PTPN14: variants seen among roughly 807,000 people sequenced by gnomAD.
PTPN14 encodes the protein tyrosine-protein phosphatase non-receptor type 14.
PTPN14 carries 53 observed loss-of-function variants against 126.8 expected under a neutral mutation model. The observed-to-expected ratio is 0.42, with a 90% confidence interval of 0.34 to 0.53. PTPN14 has a LOEUF of 0.53. Ranked by LOEUF, PTPN14 falls within the 20% of genes least tolerant of loss-of-function variation. The pLI, the probability that PTPN14 is intolerant of heterozygous loss-of-function variation, is 0.08. For synonymous variants in PTPN14, 630 were observed against 599.3 expected, an observed-to-expected ratio of 1.05 and a Z score of -0.75; for missense variants, 1,257 against 1,552.9, an observed-to-expected ratio of 0.81 and a Z score of 3.20.
chr1:214,531,409 T>G (rs1655543006), intron 1 of PTPN14: 1 of 151,816 alleles, frequency 6.6e-6, no homozygotes, highest in South Asian at 2.1e-4. Flanking sequence ...TTGACGTTTC[T>G]CCGCCAAATG....
chr1:214,384,434 G>T lies in PTPN14; in HGVS notation c.1421C>A (p.Thr474Asn), dbSNP rs1363903173. The T allele has an allele frequency of 6.2e-7, 1 of 1,614,038 alleles. No homozygotes were observed. ...QSLRNLNIIN[T>N]HAYNQPEDLV... ...ATCCTCTGGCTGGTTGTAGGCATGGGTGTTGATAATGTTGAGGTTTCTCAG... is the reference window on the plus strand; with the variant it reads ...ATCCTCTGGCTGGTTGTAGGCATGGTTGTTGATAATGTTGAGGTTTCTCAG... Residue 474 changes from threonine (T) to asparagine (N), a missense_variant, in exon 13 of 19, where the codon ACC becomes AAC. Transcript: ENST00000366956. The surrounding 1 kb of genome is among the most constrained non-coding windows in gnomAD (Gnocchi z 5.3).
Position 214,350,197 on chromosome 1 carries a change from C to T in PTPN14, c.*7725G>A, listed in dbSNP as rs1416458913. 1 of 152,194 alleles carries T rather than the reference C, an allele frequency of 6.6e-6. No individual in the cohort carries two copies. The highest frequency in any genetic ancestry group is 2.4e-5 in the African/African-American group (1 of 41,442). The allele number at this position is 152,194 out of a possible 1,614,324, so 9.4% of individuals were successfully genotyped here. On this transcript the variant is annotated 3_prime_UTR_variant, in exon 19 of 19. Transcript: ENST00000366956. ...GTAAGTGAAAACAGATAAAATGTTTCTGGGCAGCCCAAAGGTTTACCACCT... is the reference window on the plus strand; with the variant it reads ...GTAAGTGAAAACAGATAAAATGTTTTTGGGCAGCCCAAAGGTTTACCACCT...
chr1:214,402,333 G>A (rs1352864634), intron 6 of PTPN14, among the ~76,000 whole-genome samples: 4 of 149,462 alleles, frequency 2.7e-5, no homozygotes, highest in Non-Finnish European at 4.4e-5. Flanking sequence ...CCAGCTACTC[G>A]AGAGTCTGAG....
rs1657757290 is a variant in PTPN14, at chr1:214,353,883, G to C, written c.*4039C>G. On this transcript the variant is annotated 3_prime_UTR_variant, in exon 19 of 19. Coordinates refer to ENST00000366956, the MANE Select transcript of PTPN14 (RefSeq NM_005401.5). ...GGTGTTGGGACCCACAGTGTATCAG[G>C]GGGAAGATATAGGTGATCCATGCGA... 6.6e-6 allele frequency: 1 copy of C among 152,234 alleles called. No homozygotes were observed. The highest frequency in any genetic ancestry group is 1.5e-5 in the Non-Finnish European group (1 of 68,070). The allele number at this position is 152,234 out of a possible 1,614,324, so 9.4% of individuals were successfully genotyped here. A position where few individuals can be genotyped will look rare whatever the true frequency, so the allele number is the denominator to read the frequency against.
intron 8 of PTPN14, among the ~76,000 whole-genome samples, chr1:214,397,399 G>A (rs1311848234): frequency 1.3e-5 from 2 of 152,132 alleles, no homozygotes; most frequent in African/African-American, 2.4e-5. Flanking sequence ...AATGCAGGGG[G>A]GAGATGGCTG....
intron 14 of PTPN14, 148 bp downstream of exon 14, chr1:214,377,811 G>A: frequency 1.0e-6 from 1 of 1,001,572 alleles, no homozygotes; most frequent in African/African-American, 1.6e-5. Context: ...CTGATTTAAT[G>A]CAACACAGTT....
intron 13 of PTPN14, among the ~76,000 whole-genome samples, chr1:214,380,881 G>GCCTGGCCT (rs990213759): frequency 2.6e-5 from 4 of 152,182 alleles, no homozygotes; most frequent in Non-Finnish European, 5.9e-5. Context: ...TCACCACCTT[G>GCCTGGCCT]CCTGGCCTCC....
rs748450471 is a variant in PTPN14, at chr1:214,377,987, T to A, written c.2660A>T (p.Asp887Val). The change falls in exon 14 of 19, where the codon GAT becomes GTT. Residue 887 changes from aspartate (D) to valine (V), a missense_variant. By Grantham distance (152) the Asp-to-Val change is radical (BLOSUM62 -3). Transcript: ENST00000366956. ...RVSGREENRV[D>V]ATRVPMDERF... Reference sequence around the variant, plus strand: ...CTCGTCCATGGGAACCCGGGTGGCATCAACTCGATTCTCTTCCCGCCCTGA... The same window carrying A: ...CTCGTCCATGGGAACCCGGGTGGCAACAACTCGATTCTCTTCCCGCCCTGA... The A allele has an allele frequency of 6.2e-7, 1 of 1,613,298 alleles. No individual in the cohort carries two copies. The highest frequency in any genetic ancestry group is 8.5e-7 in the Non-Finnish European group (1 of 1,179,790).
chr1:214,370,280 CAAAAAAA>C (rs561271706), intron 16 of PTPN14, among the ~76,000 whole-genome samples: 30 of 97,448 alleles, frequency 3.1e-4, no homozygotes, highest in Non-Finnish European at 4.3e-4. Flanking sequence ...GATTCCATCT[CAAAAAAA>C]AAAAAAAAAG....
chr1:214,429,331 A>C (rs2102604788), intron 3 of PTPN14, among the ~76,000 whole-genome samples: 1 of 152,296 alleles, frequency 6.6e-6, no homozygotes, highest in South Asian at 2.1e-4. Context: ...GATCTGTAAT[A>C]ATATTACATG....
rs1299168429 is a variant in PTPN14, at chr1:214,356,879, A to G, written c.*1043T>C. ...ATCTGTTTCCTTGATGGCCTTTCCA[A>G]TGACTTAGTGACCTCAACTTTTAGG... is the stretch of plus-strand genomic sequence containing the variant. On this transcript the variant is annotated 3_prime_UTR_variant, in exon 19 of 19. Coordinates refer to ENST00000366956, the MANE Select transcript of PTPN14 (RefSeq NM_005401.5). The G allele has an allele frequency of 6.6e-6, 1 of 152,204 alleles. No homozygotes were observed. The highest frequency in any genetic ancestry group is 1.5e-5 in the Non-Finnish European group (1 of 68,052). The allele number at this position is 152,204 out of a possible 1,614,324, so 9.4% of individuals were successfully genotyped here. A position where few individuals can be genotyped will look rare whatever the true frequency, so the allele number is the denominator to read the frequency against.
chr1:214,484,305 G>A (rs1404746298), intron 1 of PTPN14, among the ~76,000 whole-genome samples: 2 of 152,318 alleles, frequency 1.3e-5, no homozygotes, highest in East Asian at 3.9e-4. Context: ...TCAGGAAGCT[G>A]GGGCAAGAGA....
intron 1 of PTPN14, among the ~76,000 whole-genome samples, chr1:214,485,820 G>A (rs901387944): frequency 2.0e-5 from 3 of 152,052 alleles, no homozygotes; most frequent in Admixed American, 6.5e-5. Context: ...CCGCCTCCCG[G>A]GTTCACGCCA....
At chr1:214,386,271 A>G (rs935098089) in intron 12 of PTPN14, among the ~76,000 whole-genome samples, 2 of 152,208 alleles carry the variant, frequency 1.3e-5, no homozygotes, top group African/African-American at 4.8e-5. Flanking sequence ...GTTATCATGG[A>G]GTCATTACTA....
intron 12 of PTPN14, among the ~76,000 whole-genome samples, chr1:214,386,626 C>T (rs188837033): frequency 7.9e-5 from 12 of 152,300 alleles, no homozygotes; most frequent in Non-Finnish European, 1.0e-4. Context: ...GCTGCCTTGG[C>T]CCCGACTCCC....
chr1:214,372,600 A>C, intron 16 of PTPN14, 111 bp downstream of exon 16: 1 of 1,454,818 alleles, frequency 6.9e-7, no homozygotes, highest in African/African-American at 1.4e-5. Context: ...TGTGCAGAGA[A>C]ACAGCACTGC....
intron 1 of PTPN14, among the ~76,000 whole-genome samples, chr1:214,518,515 T>A (rs75380058): frequency 0.02 from 3,034 of 152,296 alleles, 99 homozygotes; most frequent in African/African-American, 0.069. Context: ...TGGTAGATGA[T>A]CTATTTCACA....
intron 1 of PTPN14, among the ~76,000 whole-genome samples, chr1:214,472,252 G>A (rs1386505872): frequency 1.3e-5 from 2 of 152,076 alleles, no homozygotes; most frequent in Non-Finnish European, 2.9e-5. Flanking sequence ...TCAGGATACT[G>A]AGTTCTCCCG....
At chr1:214,530,340 T>TTC (rs201353288) in intron 1 of PTPN14, 3 of 146,796 alleles carry the variant, frequency 2.0e-5, no homozygotes, top group African/African-American at 7.5e-5. Flanking sequence ...TTCTTTTCTT[T>TTC]TTTTTTTTTT....
Sources: gnomAD v4.1 joint callset for allele counts (sites outside exome capture counted in the v4.1 genomes callset) on GRCh38, gnomAD v4.1.1 for gene constraint, Gnocchi (gnomAD v3.1) non-coding constraint, MANE v1.5 for transcripts, NCBI Gene and HGNC (gene_info 2026-07-23, HGNC 2026-07-21) for gene names.